Variants in COL27A1 observed in about 807,000 individuals in gnomAD.
COL27A1 encodes collagen alpha-1(XXVII) chain.
In COL27A1, 106 loss-of-function variants were observed where a neutral mutation model predicts 251.3. That is an observed-to-expected ratio of 0.42 (90% CI 0.36 to 0.50). The LOEUF (loss-of-function observed/expected upper bound fraction) is 0.50. Ranked by LOEUF, COL27A1 falls within the 20% of genes least tolerant of loss-of-function variation. The pLI is 0.00. For synonymous variants in COL27A1, 1,000 were observed against 986.3 expected, an observed-to-expected ratio of 1.01 and a Z score of -0.26; for missense variants, 2,325 against 2,522.8, an observed-to-expected ratio of 0.92 and a Z score of 1.68.
At chr9:114,194,114 G>A (rs1218931919) in intron 5 of COL27A1, among the ~76,000 whole-genome samples, 2 of 152,202 alleles carry the variant, frequency 1.3e-5, no homozygotes, top group Non-Finnish European at 2.9e-5. Context: ...TTTGGCTGCT[G>A]AAAGGAGAGC....
rs375970359 is a variant in COL27A1, at chr9:114,254,993, C to T, written c.3141+2061C>T. On this transcript the variant is annotated intron_variant, in intron 27 of 60. Transcript: ENST00000356083. ...GGTGAGAGGCCTGGATATAGGTGAC[C>T]GTCACCCAGAGGAGAAGGCATCAGC... Among the ~76,000 whole-genome samples, 16 of 152,266 alleles carry T rather than the reference C, an allele frequency of 1.1e-4. No homozygotes were observed. The East Asian group carries it at 1.5e-3, about 15-fold the overall frequency.
intron 31 of COL27A1, 139 bp downstream of exon 31, chr9:114,265,249 C>A: frequency 1.8e-6 from 2 of 1,109,026 alleles, no homozygotes; most frequent in Middle Eastern, 2.0e-4. Flanking sequence ...TGCCCACCTG[C>A]CCTGCACTGA....
intron 28 of COL27A1, among the ~76,000 whole-genome samples, chr9:114,261,301 C>T (rs62555402): frequency 0.27 from 21,708 of 81,514 alleles, 1,657 homozygotes; most frequent in East Asian, 0.39. Context: ...ACATCTTCCT[C>T]GAGGAGCGGA....
intron 10 of COL27A1, among the ~76,000 whole-genome samples, chr9:114,206,956 G>C (rs1324227775): frequency 1.3e-5 from 2 of 152,228 alleles, no homozygotes; most frequent in Non-Finnish European, 2.9e-5. Context: ...TGGACCGAAT[G>C]GGGTAAATGG....
intron 37 of COL27A1, among the ~76,000 whole-genome samples, chr9:114,279,060 C>T (rs1249749): frequency 0.22 from 33,276 of 152,122 alleles, 3,986 homozygotes; most frequent in East Asian, 0.33. Flanking sequence ...GCCCCTGTAC[C>T]GGATGCTTCA....
chr9:114,162,435 T>G (rs546559130), intron 1 of COL27A1, among the ~76,000 whole-genome samples: 1 of 152,224 alleles, frequency 6.6e-6, no homozygotes, highest in East Asian at 1.9e-4. Flanking sequence ...GGGCTTTCTA[T>G]GCACTGCTTC....
intron 27 of COL27A1, among the ~76,000 whole-genome samples, chr9:114,255,542 A>G (rs1833863128): frequency 6.6e-6 from 1 of 151,854 alleles, no homozygotes; most frequent in Admixed American, 6.6e-5. Context: ...GGGGATATTC[A>G]GGCCAATACA....
chr9:114,176,197 T>C (rs1009423196), intron 3 of COL27A1, among the ~76,000 whole-genome samples: 1 of 152,204 alleles, frequency 6.6e-6, no homozygotes, highest in African/African-American at 2.4e-5. Flanking sequence ...ACCTACAGTA[T>C]GCTTCGTCTC....
intron 3 of COL27A1, 82 bp from the exon 4 acceptor site, chr9:114,178,209 C>T (rs13295729): frequency 0.061 from 71,668 of 1,168,042 alleles, 2,673 homozygotes; most frequent in South Asian, 0.12. Flanking sequence ...CAGCTGCAGG[C>T]GGGATTGTTG....
At chr9:114,239,099 C>T (rs7862350) in intron 19 of COL27A1, among the ~76,000 whole-genome samples, 3,375 of 150,408 alleles carry the variant, frequency 0.022, 132 homozygotes, top group African/African-American at 0.079. Context: ...AGCTGATAAG[C>T]GCGGAAGCTG....
intron 7 of COL27A1, among the ~76,000 whole-genome samples, chr9:114,200,083 T>C (rs1588643622): frequency 6.6e-6 from 1 of 151,368 alleles, no homozygotes; most frequent in Non-Finnish European, 1.5e-5. Flanking sequence ...AGCACAGGGG[T>C]CATCTGGAAG....
intron 57 of COL27A1, 140 bp from the exon 58 acceptor site, chr9:114,306,378 AAG>A: frequency 1.3e-6 from 1 of 758,594 alleles, no homozygotes. Context: ...CTGCAAAATA[AAG>A]AGAAACCCAA....
intron 28 of COL27A1, among the ~76,000 whole-genome samples, 171 bp from the exon 29 acceptor site, chr9:114,264,184 C>T (rs755826476): frequency 9.9e-5 from 15 of 152,168 alleles, no homozygotes; most frequent in African/African-American, 1.4e-4. Flanking sequence ...GTCTCGAAGG[C>T]GCTGCACGAG....
intron 14 of COL27A1, among the ~76,000 whole-genome samples, chr9:114,223,623 A>G (rs1019862157): frequency 1.3e-5 from 2 of 152,186 alleles, no homozygotes; most frequent in African/African-American, 2.4e-5. Context: ...TTAGAACCAC[A>G]GAAACACACA....
At chr9:114,173,954 A>C (rs1264453030) in intron 3 of COL27A1, among the ~76,000 whole-genome samples, 1 of 147,236 alleles carries the variant, frequency 6.8e-6, no homozygotes, top group Non-Finnish European at 1.5e-5. Flanking sequence ...TCAGCTAGAC[A>C]GCGGGGGTTT....
At chr9:114,215,796 G>A (rs953062358) in intron 12 of COL27A1, among the ~76,000 whole-genome samples, 1 of 152,188 alleles carries the variant, frequency 6.6e-6, no homozygotes, top group Non-Finnish European at 1.5e-5. Context: ...CCTAACTAGT[G>A]TAGTGATGGC....
intron 5 of COL27A1, 43 bp downstream of exon 5, chr9:114,183,118 G>A (rs1711723964): frequency 6.4e-7 from 1 of 1,572,688 alleles, no homozygotes; most frequent in South Asian, 1.1e-5. Flanking sequence ...GGGTGCTGGG[G>A]TTGGAGCCAT....
intron 33 of COL27A1, 145 bp from the exon 34 acceptor site, chr9:114,267,359 A>G (rs1384895776): frequency 9.7e-6 from 6 of 618,104 alleles, no homozygotes. Context: ...AAGCTCCAAG[A>G]AGCTACAAGC....
rs1276214186 is a variant in COL27A1 at position 114,168,950 on chromosome 9, C to G, written c.1395C>G (p.Thr465=). ...PTLARTEAKI[T]SHASKPASAR... is the part of the protein sequence containing the mutation. ...TAGCTCGGACTGAGGCCAAGATAAC[C>G]AGCCATGCCAGTAAGCCGGCCTCTG... The change falls in exon 3 of 61, where the codon ACC becomes ACG. Residue 465 remains threonine (T), a synonymous_variant. Coordinates refer to ENST00000356083, the MANE Select transcript of COL27A1 (RefSeq NM_032888.4). 2 of 1,614,128 alleles carry G rather than the reference C, an allele frequency of 1.2e-6. No individual in the cohort carries two copies. The highest frequency in any genetic ancestry group is 1.1e-5 in the South Asian group (1 of 91,076).
Sources: gnomAD v4.1 joint callset for allele counts (sites outside exome capture counted in the v4.1 genomes callset) on GRCh38, gnomAD v4.1.1 for gene constraint, MANE v1.5 for transcripts, NCBI Gene and HGNC (gene_info 2026-07-23, HGNC 2026-07-21) for gene names.